The following SHANK2 variants were observed in gnomAD, a reference collection of about 807,000 sequenced individuals.
SHANK2 encodes the protein SH3 and multiple ankyrin repeat domains 2.
A neutral mutation model predicts 133.7 loss-of-function variants in SHANK2; 43 were observed. The ratio of observed to expected loss-of-function variants is 0.32; its 90% CI spans 0.25 to 0.41. The LOEUF (loss-of-function observed/expected upper bound fraction) is 0.41. SHANK2 is among the 10% of genes least tolerant of loss of function. The pLI is 1.00. For synonymous variants in SHANK2, 1,017 were observed against 952.8 expected (o/e 1.07, Z -1.24); for missense variants, 1,994 against 2,235.8 (o/e 0.89, Z 2.18).
intron 17 of SHANK2, among the ~76,000 whole-genome samples, chr11:70,573,635 C>G (rs1359835473): frequency 6.6e-6 from 1 of 152,024 alleles, no homozygotes; most frequent in Non-Finnish European, 1.5e-5. Context: ...GTGGCCCCTC[C>G]TACATTGACC....
intron 17 of SHANK2, among the ~76,000 whole-genome samples, chr11:70,536,725 G>T (rs1432579626): frequency 6.6e-6 from 1 of 152,174 alleles, no homozygotes; most frequent in African/African-American, 2.4e-5. Flanking sequence ...CGTGCACCGT[G>T]CCACCTTTTG....
rs147792296 is a variant in SHANK2, at chr11:70,505,673, T to G, written c.2062-2742A>C. 9.5e-4 allele frequency among the ~76,000 whole-genome samples: 144 copies of G among 152,268 alleles called. 1 individual carries two copies. Among genetic ancestry groups the G allele is most frequent in the Admixed American group, 2.8e-3 (43 of 15,306 alleles). Reference sequence around the variant, plus strand: ...TCCTGCCACCCGCTGTGGGGCATTCTCTGGATCTGATGCTTGGGGAGAGTA... The same window carrying G: ...TCCTGCCACCCGCTGTGGGGCATTCGCTGGATCTGATGCTTGGGGAGAGTA... On this transcript the variant is annotated intron_variant, in intron 17 of 25. Coordinates refer to ENST00000601538, the MANE Select transcript of SHANK2 (RefSeq NM_012309.5).
intron 2 of SHANK2, among the ~76,000 whole-genome samples, chr11:71,219,292 G>C (rs370142547): frequency 6.6e-6 from 1 of 152,210 alleles, no homozygotes; most frequent in South Asian, 2.1e-4. Context: ...CGTGGAAAGA[G>C]ATGAGCACGG....
rs1055599795 is a variant in SHANK2 at position 70,927,119 on chromosome 11, C to A, written c.1108-30552G>T. Among the ~76,000 whole-genome samples the A allele has an allele frequency of 1.3e-5, 2 of 152,076 alleles. 1 individual carries two copies. Among genetic ancestry groups the A allele is most frequent in the Middle Eastern group, 6.4e-3 (2 of 314 alleles). ...CCAAGGCATCTCAATATGTTAATTT[C>A]TTTGTTTTAAAAAAATAAGGGCCTA... is the stretch of plus-strand genomic sequence containing the variant. On this transcript the variant is annotated intron_variant, in intron 10 of 25. Coordinates refer to ENST00000601538, the MANE Select transcript of SHANK2 (RefSeq NM_012309.5).
intron 11 of SHANK2, chr11:70,895,387 G>C (rs1022222794): frequency 6.6e-6 from 1 of 152,616 alleles, no homozygotes; most frequent in African/African-American, 2.4e-5. Context: ...TGCCATCTTC[G>C]AAAGCTCACC....
intron 15 of SHANK2, among the ~76,000 whole-genome samples, chr11:70,688,487 G>A (rs782172127): frequency 1.6e-4 from 24 of 152,188 alleles, no homozygotes; most frequent in African/African-American, 5.6e-4. Context: ...CAGCAGCCCC[G>A]GCCATCCCAA....
At chr11:70,905,841 C>T (rs1171028863) in intron 10 of SHANK2, among the ~76,000 whole-genome samples, 37 of 135,168 alleles carry the variant, frequency 2.7e-4, no homozygotes, top group Non-Finnish European at 4.0e-4. Context: ...GACGGAGTTT[C>T]GCTCTTGTCG....
At chr11:70,931,954 AT>A (rs1324982297) in intron 10 of SHANK2, among the ~76,000 whole-genome samples, 2 of 152,130 alleles carry the variant, frequency 1.3e-5, no homozygotes, top group African/African-American at 4.8e-5. Context: ...CATAACAAAT[AT>A]TTTTTTAAGA....
intron 15 of SHANK2, among the ~76,000 whole-genome samples, chr11:70,687,207 C>T (rs1008377224): frequency 6.6e-5 from 10 of 152,376 alleles, no homozygotes. Flanking sequence ...AATGGGGAAA[C>T]TAAGGCCCGT....
chr11:70,801,704 A>G (rs1669314935), intron 13 of SHANK2, among the ~76,000 whole-genome samples: 1 of 152,108 alleles, frequency 6.6e-6, no homozygotes, highest in African/African-American at 2.4e-5. Context: ...ACTTGGCCCC[A>G]TCACTGGGAT....
At chr11:70,571,463 C>A (rs535351602) in intron 17 of SHANK2, 1 of 152,328 alleles carries the variant, frequency 6.6e-6, no homozygotes, top group East Asian at 1.9e-4. Context: ...CATCGTGCTA[C>A]TTTTTCTTTG....
intron 14 of SHANK2, among the ~76,000 whole-genome samples, chr11:70,740,597 C>T (rs573847118): frequency 6.6e-6 from 1 of 152,186 alleles, no homozygotes; most frequent in Non-Finnish European, 1.5e-5. Context: ...TCCCCCTCAC[C>T]CCCTGCCCGG....
chr11:71,157,005 T>C (rs1271889313), intron 2 of SHANK2, among the ~76,000 whole-genome samples: 1 of 152,360 alleles, frequency 6.6e-6, no homozygotes, highest in African/African-American at 2.4e-5. Flanking sequence ...TTAGGAGATA[T>C]ACCTAATGTA....
chr11:70,845,682 G>A (rs954330789), intron 11 of SHANK2, among the ~76,000 whole-genome samples: 6 of 152,168 alleles, frequency 3.9e-5, no homozygotes, highest in South Asian at 2.1e-4. Context: ...ATGGAAAGAC[G>A]AGCCAAGCCA....
chr11:70,600,326 T>A (rs2060475231), intron 17 of SHANK2, among the ~76,000 whole-genome samples: 1 of 143,528 alleles, frequency 7.0e-6, no homozygotes, highest in Non-Finnish European at 1.5e-5. Flanking sequence ...GGCTGAGGCA[T>A]GAGAATTGCT....
chr11:71,058,769 G>A (rs915982375), intron 9 of SHANK2, among the ~76,000 whole-genome samples: 109 of 152,364 alleles, frequency 7.2e-4, no homozygotes, highest in African/African-American at 2.5e-3. Context: ...GAATAAAGGG[G>A]TAAGTGGATT....
chr11:70,574,942 G>A (rs1201342033), intron 17 of SHANK2, among the ~76,000 whole-genome samples: 1 of 152,148 alleles, frequency 6.6e-6, no homozygotes, highest in Non-Finnish European at 1.5e-5. Context: ...AGGCTGAGCA[G>A]AGAGGCCCCG....
intron 12 of SHANK2, among the ~76,000 whole-genome samples, chr11:70,819,926 C>T (rs1019492213): frequency 5.9e-5 from 9 of 152,298 alleles, no homozygotes; most frequent in African/African-American, 2.2e-4. Context: ...TGTGCACCCT[C>T]AATTTGGATA....
At chr11:70,934,764 G>A (rs1415370127) in intron 10 of SHANK2, among the ~76,000 whole-genome samples, 1 of 152,216 alleles carries the variant, frequency 6.6e-6, no homozygotes, top group Non-Finnish European at 1.5e-5. Flanking sequence ...TGCCACGTGT[G>A]GGTAAATCAC....
Sources: gnomAD v4.1 joint callset for allele counts (sites outside exome capture counted in the v4.1 genomes callset) on GRCh38, gnomAD v4.1.1 for gene constraint, MANE v1.5 for transcripts, NCBI Gene and HGNC (gene_info 2026-07-23, HGNC 2026-07-21) for gene names.